Variants in FAIM observed in about 807,000 individuals in gnomAD.
FAIM encodes fas apoptotic inhibitory molecule 1.
FAIM carries 14 observed loss-of-function variants against 21.2 expected under a neutral mutation model. The ratio of observed to expected loss-of-function variants is 0.66; its 90% CI spans 0.44 to 1.03. The LOEUF is 1.03. Among genes scored for constraint, FAIM ranks in the 50% least tolerant of loss-of-function variants. FAIM has a pLI of 0.00. For missense variants in FAIM, 222 were observed against 247.1 expected (o/e 0.90, Z 0.68); for synonymous variants, 86 against 80.4 (o/e 1.07, Z -0.37).
chr3:138,632,981 G>C lies in FAIM; in HGVS notation c.508G>C (p.Asp170His). 6.2e-7 allele frequency: 1 copy of C among 1,613,832 alleles called. No homozygotes were observed. Among genetic ancestry groups the C allele is most frequent in the East Asian group, 2.2e-5 (1 of 44,822 alleles). The change falls in exon 6 of 6, where the codon GAC becomes CAC. Residue 170 changes from aspartate (D) to histidine (H), a missense_variant. Physicochemically the swap from Asp to His is moderately conservative, Grantham distance 81 (BLOSUM62 -1). Transcript: ENST00000360570. ...TETHFSIGNH[D>H]CYIKAVSSGK... ...AACTCACTTCAGTATCGGGAACCAT[G>C]ACTGTTACATAAAGGCTGTCAGTAG...
intron 1 of FAIM, among the ~76,000 whole-genome samples, chr3:138,619,068 T>C (rs555323612): frequency 6.6e-6 from 1 of 152,338 alleles, no homozygotes; most frequent in South Asian, 2.1e-4. Flanking sequence ...GGATTCATCA[T>C]TGGCACTAGT....
In FAIM at chr3:138,632,942, G is replaced by A. The variant is rs1447295925; in HGVS notation, c.469G>A (p.Asp157Asn). 3 of 1,612,658 alleles carry A rather than the reference G, an allele frequency of 1.9e-6. No individual in the cohort carries two copies. The African/African-American group carries it at 4.0e-5, about 22-fold the overall frequency. ...TTTGTTGCTCCAGGGTGAGTTTGTA[G>A]ATGATGGGACTGAAACTCACTTCAG... ...KKLETAGEFV[D>N]DGTETHFSIG... The change falls in exon 6 of 6, where the codon GAT (aspartate) becomes AAT (asparagine). Residue 157 changes from aspartate to asparagine, a missense_variant. Coordinates refer to ENST00000360570, the MANE Select transcript of FAIM (RefSeq NM_001033031.2).
In FAIM at chr3:138,622,231, A is replaced by C. The variant is rs1241521403; in HGVS notation, c.221A>C (p.Glu74Ala). 3 of 1,613,066 alleles carry C rather than the reference A, an allele frequency of 1.9e-6. No individual in the cohort carries two copies. Among genetic ancestry groups the C allele is most frequent in the African/African-American group, 2.7e-5 (2 of 74,874 alleles). ...TGGATGTTCAAATTAGTGGGCAAAG[A>C]AACATTCTATGTTGGAGCTGCAAAG... Reference protein sequence around the residue: ...KEWMFKLVGKETFYVGAAKTK... With the variant: ...KEWMFKLVGKATFYVGAAKTK... The change falls in exon 4 of 6, where the codon GAA becomes GCA. Residue 74 changes from glutamate to alanine, a missense_variant. Coordinates refer to ENST00000360570, the MANE Select transcript of FAIM (RefSeq NM_001033031.2).
chr3:138,609,561 T>C (rs1307233003), intron 1 of FAIM, among the ~76,000 whole-genome samples: 61 of 90,826 alleles, frequency 6.7e-4, no homozygotes, highest in African/African-American at 2.5e-3. Flanking sequence ...TCTCTCTCTC[T>C]CTCTCTCTCT....
At chr3:138,613,375 T>C (rs2042792038) in intron 1 of FAIM, among the ~76,000 whole-genome samples, 2 of 152,172 alleles carry the variant, frequency 1.3e-5, no homozygotes, top group Admixed American at 1.3e-4. Flanking sequence ...TAGAGTTCTT[T>C]ATATATTCAG....
chr3:138,615,372 T>G (rs1419738139), intron 1 of FAIM, among the ~76,000 whole-genome samples: 3 of 152,250 alleles, frequency 2.0e-5, no homozygotes, highest in African/African-American at 7.2e-5. Flanking sequence ...AACTATTTGT[T>G]GAGTTAATGG....
intron 1 of FAIM, among the ~76,000 whole-genome samples, chr3:138,616,036 T>G (rs2042822640): frequency 6.6e-6 from 1 of 152,240 alleles, no homozygotes; most frequent in African/African-American, 2.4e-5. Context: ...ATTGGCACCC[T>G]CTACAGCTTT....
intron 5 of FAIM, 31 bp downstream of exon 5, chr3:138,629,187 C>T (rs753549795): frequency 1.8e-5 from 28 of 1,552,804 alleles, no homozygotes; most frequent in African/African-American, 5.7e-5. Flanking sequence ...CTCTAAGTGC[C>T]ATGTGTCTCA....
At chr3:138,609,601 T>TCTCCCTCCCTCTC (rs2042743422) in intron 1 of FAIM, among the ~76,000 whole-genome samples, 1 of 72,444 alleles carries the variant, frequency 1.4e-5, no homozygotes, top group Non-Finnish European at 2.6e-5. Context: ...CGACTCTCTC[T>TCTCCCTCCCTCTC]CTCTCTCTCT....
chr3:138,610,781 C>T (rs1033274747), intron 1 of FAIM: 1 of 548,728 alleles, frequency 1.8e-6, no homozygotes, highest in South Asian at 2.5e-5. Flanking sequence ...CAGGATTTCA[C>T]CGTTTTGTCC....
chr3:138,609,927 A>G (rs2042749964), intron 1 of FAIM, among the ~76,000 whole-genome samples: 1 of 152,160 alleles, frequency 6.6e-6, no homozygotes, highest in Non-Finnish European at 1.5e-5. Context: ...TGGCCCTCAG[A>G]AAAGTTATTC....
chr3:138,622,975 G>A (rs1019972796), intron 4 of FAIM, among the ~76,000 whole-genome samples: 1 of 148,532 alleles, frequency 6.7e-6, no homozygotes, highest in African/African-American at 2.5e-5. Flanking sequence ...AGGAGGCGGA[G>A]ATTGCAATGA....
At chr3:138,613,657 A>C (rs1242684769) in intron 1 of FAIM, among the ~76,000 whole-genome samples, 1 of 150,582 alleles carries the variant, frequency 6.6e-6, no homozygotes, top group African/African-American at 2.4e-5. Context: ...CTAGTTTTTA[A>C]ATTTTTTTGT....
Position 138,619,763 on chromosome 3 carries a change from G to C in FAIM, c.37G>C (p.Asp13His). The C allele has an allele frequency of 6.2e-7, 1 of 1,613,500 alleles. No individual in the cohort carries two copies. Among genetic ancestry groups the C allele is most frequent in the South Asian group, 1.1e-5 (1 of 90,942 alleles). ...SGDDSPIFED[D>H]ESPPYSLEKM... is the part of the protein sequence containing the mutation. ...AGATGACAGTCCTATCTTTGAAGAT[G>C]ATGAAAGGTAAATGTCTTATATTGC... Residue 13 changes from aspartate (D) to histidine (H), a missense_variant, in exon 2 of 6, where the codon GAT becomes CAT. By Grantham distance (81) the Asp-to-His change is moderately conservative. Coordinates refer to ENST00000360570, the MANE Select transcript of FAIM (RefSeq NM_001033031.2).
chr3:138,628,989 T>C, intron 4 of FAIM, 118 bp from the exon 5 acceptor site: 1 of 684,448 alleles, frequency 1.5e-6, no homozygotes, highest in Non-Finnish European at 2.4e-6. Flanking sequence ...TTTTGGAATA[T>C]TAATGGAGTT....
chr3:138,613,962 A>G (rs1226722246), intron 1 of FAIM, among the ~76,000 whole-genome samples: 2 of 152,158 alleles, frequency 1.3e-5, no homozygotes, highest in African/African-American at 2.4e-5. Flanking sequence ...TAACTTTTGT[A>G]TATGGTGTGA....
intron 5 of FAIM, chr3:138,630,908 C>A (rs568631780): frequency 2.0e-5 from 3 of 152,070 alleles, no homozygotes; most frequent in African/African-American, 7.3e-5. Flanking sequence ...GAGGCTGAGG[C>A]GGGCAGATTG....
At chr3:138,609,520 A>G (rs1384400773) in intron 1 of FAIM, among the ~76,000 whole-genome samples, 1 of 38,406 alleles carries the variant, frequency 2.6e-5, no homozygotes, top group Non-Finnish European at 5.5e-5. Context: ...AACCTGCATC[A>G]TAAAGTGCTG....
At chr3:138,632,085 C>T (rs1032103841) in intron 5 of FAIM, among the ~76,000 whole-genome samples, 1 of 151,650 alleles carries the variant, frequency 6.6e-6, no homozygotes, top group African/African-American at 2.4e-5. Context: ...TTCCTTCCTT[C>T]TCTGCGCTAC....
Sources: gnomAD v4.1 joint callset for allele counts (sites outside exome capture counted in the v4.1 genomes callset) on GRCh38, gnomAD v4.1.1 for gene constraint, MANE v1.5 for transcripts, NCBI Gene and HGNC (gene_info 2026-07-23, HGNC 2026-07-21) for gene names.